PIRT: variants seen among roughly 807,000 people sequenced by gnomAD.
The protein encoded by PIRT is phosphoinositide-interacting protein.
A neutral mutation model predicts 7.9 loss-of-function variants in PIRT; 6 were observed. That is an observed-to-expected ratio of 0.76 (90% CI 0.42 to 1.51). The LOEUF is 1.51. Among genes scored for constraint, PIRT ranks in the 40% most tolerant of loss-of-function variants. The pLI is 0.01. For synonymous variants in PIRT, 78 were observed against 71.8 expected, an observed-to-expected ratio of 1.09 and a Z score of -0.44; for missense variants, 170 against 172.9, an observed-to-expected ratio of 0.98 and a Z score of 0.09.
intron 1 of PIRT, among the ~76,000 whole-genome samples, chr17:10,829,184 G>T (rs537392435): frequency 3.9e-5 from 6 of 152,088 alleles, no homozygotes; most frequent in African/African-American, 7.2e-5. Flanking sequence ...TTTCGATCCC[G>T]TTTCCGTGAA....
At chr17:10,827,730 C>T (rs1397291378) in intron 1 of PIRT, among the ~76,000 whole-genome samples, 2 of 152,082 alleles carry the variant, frequency 1.3e-5, no homozygotes, top group African/African-American at 2.4e-5. Flanking sequence ...CCTCCTTAGC[C>T]TCCCAAAGTG....
Position 10,824,872 on chromosome 17 carries a change from C to A in PIRT, c.*360G>T. 4.1e-6 allele frequency: 1 copy of A among 241,206 alleles called. No homozygotes were observed. Among genetic ancestry groups the A allele is most frequent in the Admixed American group, 5.0e-5 (1 of 19,882 alleles). The allele number at this position is 241,206 out of a possible 1,614,324, so 14.9% of individuals were successfully genotyped here. On this transcript the variant is annotated 3_prime_UTR_variant, in exon 2 of 2. Coordinates refer to ENST00000580256, the MANE Select transcript of PIRT (RefSeq NM_001101387.2). Reference sequence around the variant, plus strand: ...CAGCTCTGGCACTCAGATATGTAAACATGAGGTTCTCCCTTGGGCATAGCC... The same window carrying A: ...CAGCTCTGGCACTCAGATATGTAAAAATGAGGTTCTCCCTTGGGCATAGCC...
chr17:10,831,634 C>T (rs1735127879), intron 1 of PIRT, among the ~76,000 whole-genome samples: 1 of 152,214 alleles, frequency 6.6e-6, no homozygotes, highest in Non-Finnish European at 1.5e-5. Context: ...TTTTAGACTT[C>T]TGGCCTCTAA....
intron 1 of PIRT, among the ~76,000 whole-genome samples, chr17:10,832,837 T>C (rs892570540): frequency 3.9e-5 from 6 of 152,200 alleles, no homozygotes; most frequent in Admixed American, 1.3e-4. Flanking sequence ...TTTCCCTAGG[T>C]AGTTGCTGAC....
chr17:10,834,780 T>C (rs1905544438), intron 1 of PIRT, among the ~76,000 whole-genome samples: 1 of 151,962 alleles, frequency 6.6e-6, no homozygotes, highest in South Asian at 2.1e-4. Context: ...TTAGTAGAGA[T>C]GGGGCTTCAC....
rs747668715 is a variant in PIRT at position 10,825,328 on chromosome 17, G to A, written c.318C>T (p.Cys106=). The A allele has an allele frequency of 1.5e-5, 25 of 1,613,820 alleles. No individual in the cohort carries two copies. The highest frequency in any genetic ancestry group is 2.2e-5 in the East Asian group (1 of 44,894). ...FLSLGLMMLV[C]GLVWVPIIKK... The stretch of plus-strand genomic sequence containing the variant: ...TGATGATGGGCACCCACACCAGCCC[G>A]CACACCAGCATCATGAGTCCCAGGG... Residue 106 remains cysteine, a synonymous_variant, in exon 2 of 2, where the codon TGC becomes TGT. Transcript: ENST00000580256.
At chr17:10,828,236 C>T (rs984109072) in intron 1 of PIRT, among the ~76,000 whole-genome samples, 6 of 152,176 alleles carry the variant, frequency 3.9e-5, no homozygotes, top group African/African-American at 7.2e-5. Flanking sequence ...TCCTGTACCC[C>T]GAGTCCTCAA....
intron 1 of PIRT, among the ~76,000 whole-genome samples, chr17:10,832,662 A>C (rs1398465251): frequency 1.3e-5 from 2 of 152,252 alleles, no homozygotes; most frequent in Non-Finnish European, 2.9e-5. Context: ...TTGGATTCTG[A>C]TTAGAACAAG....
intron 1 of PIRT, among the ~76,000 whole-genome samples, chr17:10,829,431 T>A (rs1017781052): frequency 3.9e-5 from 6 of 152,184 alleles, no homozygotes; most frequent in Non-Finnish European, 8.8e-5. Flanking sequence ...AAATGGGCCT[T>A]GCTGGAAGTA....
At chr17:10,827,465 CTTTTTTTTTTT>C (rs546105685) in intron 1 of PIRT, among the ~76,000 whole-genome samples, 9 of 56,304 alleles carry the variant, frequency 1.6e-4, no homozygotes, top group South Asian at 2.0e-3. Flanking sequence ...TTTTTCTTTT[CTTTTTTTTTTT>C]TTTTTTTTTT....
At chr17:10,837,524 A>G (rs1319227834) in intron 1 of PIRT, among the ~76,000 whole-genome samples, 4 of 152,006 alleles carry the variant, frequency 2.6e-5, no homozygotes, top group African/African-American at 9.7e-5. Flanking sequence ...CCACCCATGT[A>G]CTCTGGGGTC....
At position 10,825,799 on chromosome 17, in the gene PIRT, A is replaced by T; in HGVS notation, c.-138-16T>A. 1.5e-6 allele frequency: 1 copy of T among 682,664 alleles called. No homozygotes were observed. Among genetic ancestry groups the T allele is most frequent in the Non-Finnish European group, 2.1e-6 (1 of 469,148 alleles). The allele number at this position is 682,664 out of a possible 1,614,324, so 42.3% of individuals were successfully genotyped here. ...GGTTTTTGTGCTGAAGCCAAAAAAG[A>T]AAATGAAATGAAATTCACATAAATA... On this transcript the variant is annotated splice_polypyrimidine_tract_variant and intron_variant, in intron 1 of 1. Coordinates refer to ENST00000580256, the MANE Select transcript of PIRT (RefSeq NM_001101387.2).
chr17:10,825,296 T>C lies in PIRT; in HGVS notation c.350A>G (p.Lys117Arg), dbSNP rs1291468386. The change falls in exon 2 of 2, where the codon AAA (lysine) becomes AGA (arginine). Residue 117 changes from lysine to arginine, a missense_variant. Transcript: ENST00000580256. ...ATTCGACTTCTGTCTGTGCTTCTGT[T>C]TCTTTTTGATGATGGGCACCCACAC... Reference protein sequence around the residue: ...GLVWVPIIKKKQKHRQKSNFL... With the variant: ...GLVWVPIIKKRQKHRQKSNFL... The C allele has an allele frequency of 1.2e-6, 2 of 1,613,826 alleles. No homozygotes were observed. Among genetic ancestry groups the C allele is most frequent in the African/African-American group, 2.7e-5 (2 of 74,900 alleles).
intron 1 of PIRT, among the ~76,000 whole-genome samples, chr17:10,827,488 T>TTTTTTTTTTTTTTTTTTTTTTTTTTTTTG: frequency 7.2e-6 from 1 of 138,110 alleles, no homozygotes; most frequent in Admixed American, 7.1e-5. Flanking sequence ...TTTTTTTTTT[T>TTTTTTTTTTTTTTTTTTTTTTTTTTTTTG]TTTGAAGTGG....
intron 1 of PIRT, among the ~76,000 whole-genome samples, chr17:10,834,288 AG>A: frequency 6.6e-6 from 1 of 152,356 alleles, no homozygotes; most frequent in South Asian, 2.1e-4. Context: ...AGCAGTAGAA[AG>A]GAGCTAACTT....
chr17:10,834,439 C>T (rs1728635814), intron 1 of PIRT, among the ~76,000 whole-genome samples: 1 of 152,098 alleles, frequency 6.6e-6, no homozygotes, highest in Admixed American at 6.5e-5. Context: ...TGGCAAAGCT[C>T]AGAAAATTGT....
chr17:10,837,380 C>T (rs1028370407), intron 1 of PIRT, among the ~76,000 whole-genome samples: 4 of 152,216 alleles, frequency 2.6e-5, no homozygotes, highest in African/African-American at 9.6e-5. Context: ...ATAAAACTCC[C>T]GAGGCAGCCA....
intron 1 of PIRT, among the ~76,000 whole-genome samples, chr17:10,837,674 C>A (rs1905624035): frequency 6.6e-6 from 1 of 152,156 alleles, no homozygotes; most frequent in Non-Finnish European, 1.5e-5. Context: ...TGAAGCAGCT[C>A]TCTGCCCACA....
chr17:10,828,625 TG>T (rs1173518792), intron 1 of PIRT, among the ~76,000 whole-genome samples: 1 of 152,182 alleles, frequency 6.6e-6, no homozygotes, highest in Non-Finnish European at 1.5e-5. Context: ...TATCAGGGCT[TG>T]GGAGCCACCA....
Sources: allele counts gnomAD v4.1 joint callset (sites outside exome capture counted in the v4.1 genomes callset), GRCh38; gene constraint gnomAD v4.1.1; transcripts MANE v1.5; gene names NCBI Gene and HGNC (gene_info 2026-07-23, HGNC 2026-07-21).